The following AMACR variants were observed in gnomAD, a reference collection of about 807,000 sequenced individuals.
AMACR encodes the protein alpha-methylacyl-CoA racemase.
AMACR carries 18 observed loss-of-function variants against 22.2 expected under a neutral mutation model. That is an observed-to-expected ratio of 0.81 (90% CI 0.56 to 1.20). The LOEUF (loss-of-function observed/expected upper bound fraction) is 1.20, where lower values mean the gene tolerates loss of function less well. Among genes scored for constraint, AMACR ranks in the 50% most tolerant of loss-of-function variants. The probability of loss-of-function intolerance (pLI) is 0.00; values close to 1 mark genes in which losing one functional copy is unlikely to be tolerated. For synonymous variants in AMACR, 213 were observed against 191.3 expected, an observed-to-expected ratio of 1.11 and a Z score of -0.94; for missense variants, 499 against 490.6, an observed-to-expected ratio of 1.02 and a Z score of -0.16.
At position 33,989,399 on chromosome 5, in the gene AMACR, T is replaced by C. The variant is rs750799478; in HGVS notation, c.843A>G (p.Ala281=). The C allele has an allele frequency of 4.3e-6, 7 of 1,614,222 alleles. 1 individual carries two copies. Among genetic ancestry groups the C allele is most frequent in the South Asian group, 2.2e-5 (2 of 91,090 alleles). ...FADVFAEKTK[A]EWCQIFDGTD... ...TGCCGTCAAAGATTTGACACCACTC[T>C]GCCTTCGTCTTCTCTGCAAATACAT... The change falls in exon 5 of 5, where the codon GCA becomes GCG. Residue 281 remains alanine (A), a synonymous_variant. Coordinates refer to ENST00000335606, the MANE Select transcript of AMACR (RefSeq NM_014324.6).
intron 4 of AMACR, among the ~76,000 whole-genome samples, chr5:33,991,088 C>G (rs898591978): frequency 6.6e-6 from 1 of 152,304 alleles, no homozygotes; most frequent in Middle Eastern, 3.4e-3. Flanking sequence ...TTCTTTTTAT[C>G]AGAATGTGAT....
rs1753953335 is a variant in AMACR at position 34,005,766 on chromosome 5, C to T, written c.381G>A (p.Leu127=). Reference sequence around the variant, plus strand: ...TTTTTTTCAACATACCTGACAAAGCCAAATAGTTGATATCGTGGCCAGCTA... The same window carrying T: ...TTTTTTTCAACATACCTGACAAAGCTAAATAGTTGATATCGTGGCCAGCTA... ...CRLAGHDINY[L]ALSGVLSKIG... is the part of the protein sequence containing the mutation. The change falls in exon 2 of 5, where the codon TTG becomes TTA. Residue 127 remains leucine, a synonymous_variant. Transcript: ENST00000335606. 6.2e-7 allele frequency: 1 copy of T among 1,613,848 alleles called. No individual in the cohort carries two copies. The highest frequency in any genetic ancestry group is 8.5e-7 in the Non-Finnish European group (1 of 1,180,018).
In AMACR at chr5:33,988,836, A is replaced by G. The variant is rs1579569460; in HGVS notation, c.*257T>C. 2.3e-6 allele frequency: 3 copies of G among 1,330,860 alleles called. No individual in the cohort carries two copies. Among genetic ancestry groups the G allele is most frequent in the South Asian group, 3.5e-5 (2 of 56,642 alleles). 82.4% of individuals were successfully genotyped at this position (1,330,860 alleles called of 1,614,324 possible). A position where few individuals can be genotyped will look rare whatever the true frequency, so the allele number is the denominator to read the frequency against. On this transcript the variant is annotated 3_prime_UTR_variant, in exon 5 of 5. Transcript: ENST00000335606. ...GTCAAGAATCTTAATATCAACAAATATATCAAGCAAACTGGAAGGCAGAAT... is the reference window on the plus strand; with the variant it reads ...GTCAAGAATCTTAATATCAACAAATGTATCAAGCAAACTGGAAGGCAGAAT...
At chr5:33,998,049 CA>C (rs1441711612) in intron 4 of AMACR, among the ~76,000 whole-genome samples, 5 of 152,192 alleles carry the variant, frequency 3.3e-5, no homozygotes, top group Admixed American at 6.5e-5. Flanking sequence ...AAACATTTCT[CA>C]GGAACAAAAC....
chr5:34,007,106 A>C (rs1754003707), intron 1 of AMACR, among the ~76,000 whole-genome samples: 1 of 152,274 alleles, frequency 6.6e-6, no homozygotes. Flanking sequence ...TAAATAATAC[A>C]GAAGGTGGAG....
At position 34,007,757 on chromosome 5, in the gene AMACR, C is replaced by A; in HGVS notation, c.247+16G>T. 2 of 1,539,172 alleles carry A rather than the reference C, an allele frequency of 1.3e-6. No homozygotes were observed. Among genetic ancestry groups the A allele is most frequent in the Non-Finnish European group, 1.7e-6 (2 of 1,148,608 alleles). On this transcript the variant is annotated intron_variant, in intron 1 of 4. Coordinates refer to ENST00000335606, the MANE Select transcript of AMACR (RefSeq NM_014324.6). Reference sequence around the variant, plus strand: ...GCGGGAACTTCCCGAGAGCAGCCCGCGGGGCCCGGGCTCACCGCGGCGGAA... The same window carrying A: ...GCGGGAACTTCCCGAGAGCAGCCCGAGGGGCCCGGGCTCACCGCGGCGGAA...
intron 4 of AMACR, 45 bp from the exon 5 acceptor site, chr5:33,989,547 GCAATTATAAT>G (rs1286546159): frequency 6.7e-7 from 1 of 1,492,550 alleles, no homozygotes; most frequent in Non-Finnish European, 9.3e-7. Context: ...TTTGAACAGA[GCAATTATAAT>G]CAATAAAAAT....
At chr5:34,002,263 C>T (rs914312014) in intron 3 of AMACR, among the ~76,000 whole-genome samples, 4 of 152,236 alleles carry the variant, frequency 2.6e-5, no homozygotes, top group Non-Finnish European at 5.9e-5. Flanking sequence ...TCCCAAAGTG[C>T]TGGGATTACA....
intron 4 of AMACR, among the ~76,000 whole-genome samples, chr5:33,995,229 C>T (rs1175158861): frequency 2.0e-5 from 3 of 152,128 alleles, no homozygotes; most frequent in African/African-American, 7.2e-5. Context: ...TGCAGTATTG[C>T]AGTGCTTGTG....
chr5:34,006,580 AC>A (rs2082786528), intron 1 of AMACR, among the ~76,000 whole-genome samples: 1 of 152,212 alleles, frequency 6.6e-6, no homozygotes, highest in African/African-American at 2.4e-5. Context: ...CTACCTAAAC[AC>A]CAGTCACAAC....
rs753686325 is a variant in AMACR at position 33,989,176 on chromosome 5, C to A, written c.1066G>T (p.Glu356Ter). 6.2e-6 allele frequency: 10 copies of A among 1,614,220 alleles called. No homozygotes were observed. The highest frequency in any genetic ancestry group is 8.5e-6 in the Non-Finnish European group (10 of 1,180,032). The change falls in exon 5 of 5, where the codon GAA becomes TAA. Residue 356 changes from glutamate to a stop codon, truncating the protein, a stop_gained. Transcript: ENST00000335606. LOFTEE classifies it low-confidence loss of function (END_TRUNC). ...IGEHTEEILE[E>*]FGFSREEIYQ... Reference sequence around the variant, plus strand: ...ATCTCTTCGCGGCTGAATCCAAATTCTTCAAGTATCTCCTCAGTGTGTTCT... The same window carrying A: ...ATCTCTTCGCGGCTGAATCCAAATTATTCAAGTATCTCCTCAGTGTGTTCT...
intron 4 of AMACR, among the ~76,000 whole-genome samples, chr5:33,996,717 GGCTATGAT>G (rs1278785950): frequency 2.8e-4 from 42 of 152,132 alleles, no homozygotes; most frequent in African/African-American, 9.6e-4. Context: ...CAGAGTTCAA[GGCTATGAT>G]CACACCACTG....
At chr5:33,999,908 AC>A (rs1753762311) in intron 3 of AMACR, among the ~76,000 whole-genome samples, 1 of 152,216 alleles carries the variant, frequency 6.6e-6, no homozygotes, top group African/African-American at 2.4e-5. Context: ...TTAGAGTTCC[AC>A]ATTTATACAC....
chr5:33,999,184 A>G (rs1439726702), intron 3 of AMACR, among the ~76,000 whole-genome samples: 2 of 152,256 alleles, frequency 1.3e-5, no homozygotes. Context: ...AAAACTGCCA[A>G]GATAAAAAGT....
chr5:33,993,254 T>G (rs1753538383), intron 4 of AMACR, among the ~76,000 whole-genome samples: 1 of 152,240 alleles, frequency 6.6e-6, no homozygotes, highest in Admixed American at 6.5e-5. Flanking sequence ...TGTTGGAATT[T>G]TCTTGTTTTT....
intron 4 of AMACR, among the ~76,000 whole-genome samples, chr5:33,994,354 T>C (rs1753573131): frequency 1.3e-5 from 2 of 152,070 alleles, no homozygotes; most frequent in South Asian, 4.2e-4. Context: ...AATTTTTGTA[T>C]CTTTAGTAGA....
chr5:33,998,498 C>T, intron 4 of AMACR, 143 bp downstream of exon 4: 2 of 775,676 alleles, frequency 2.6e-6, no homozygotes, highest in Admixed American at 3.2e-5. Context: ...AAATGCCCCA[C>T]ATTATATTGA....
At position 33,988,664 on chromosome 5, in the gene AMACR, C is replaced by T. The variant is rs1753374234; in HGVS notation, c.*429G>A. 8.1e-7 allele frequency: 1 copy of T among 1,231,642 alleles called. No individual in the cohort carries two copies. Among genetic ancestry groups the T allele is most frequent in the Non-Finnish European group, 1.0e-6 (1 of 983,796 alleles). 76.3% of individuals were successfully genotyped at this position (1,231,642 alleles called of 1,614,324 possible). ...GACAAAAGGCCTGGATGCAACCAAT[C>T]ACTCTGTTTCACGTGACTTTTATCA... On this transcript the variant is annotated 3_prime_UTR_variant, in exon 5 of 5. Transcript: ENST00000335606.
chr5:34,006,357 C>T (rs1041104149), intron 1 of AMACR, among the ~76,000 whole-genome samples: 9 of 152,160 alleles, frequency 5.9e-5, no homozygotes, highest in Non-Finnish European at 1.5e-5. Flanking sequence ...AGTACCTTCA[C>T]GAAAAAGTTT....
Sources: gnomAD v4.1 joint callset for allele counts (sites outside exome capture counted in the v4.1 genomes callset) on GRCh38, gnomAD v4.1.1 for gene constraint, MANE v1.5 for transcripts, NCBI Gene and HGNC (gene_info 2026-07-23, HGNC 2026-07-21) for gene names.